Variants in SOCS5 observed in about 807,000 individuals in gnomAD.
SOCS5 encodes suppressor of cytokine signaling 5.
Under a neutral mutation model 42.8 loss-of-function variants are expected in SOCS5, and 32 were observed. The observed-to-expected ratio is 0.75, with a 90% confidence interval of 0.56 to 1.01. The LOEUF (loss-of-function observed/expected upper bound fraction) is 1.01. SOCS5 is among the 50% of genes least tolerant of loss of function. The pLI is 0.00. For synonymous variants in SOCS5, 283 were observed against 229.6 expected (o/e 1.23, Z -2.10); for missense variants, 627 against 653.0 (o/e 0.96, Z 0.43).
At chr2:46,711,596 T>A (rs1672624097) in intron 1 of SOCS5, among the ~76,000 whole-genome samples, 1 of 152,234 alleles carries the variant, frequency 6.6e-6, no homozygotes, top group Non-Finnish European at 1.5e-5. Flanking sequence ...GTGGCATCTT[T>A]CGATGAACAA....
intron 1 of SOCS5, among the ~76,000 whole-genome samples, chr2:46,735,600 A>T (rs1867819): frequency 0.74 from 111,753 of 151,352 alleles, 41,800 homozygotes; most frequent in African/African-American, 0.83. Flanking sequence ...TCTGGACTTA[A>T]CAGAGACTGT....
At chr2:46,721,038 C>T (rs528073480) in intron 1 of SOCS5, among the ~76,000 whole-genome samples, 1 of 152,208 alleles carries the variant, frequency 6.6e-6, no homozygotes, top group African/African-American at 2.4e-5. Context: ...AACAAATGTC[C>T]TTTTTGTGTC....
At chr2:46,713,199 T>C (rs946334752) in intron 1 of SOCS5, among the ~76,000 whole-genome samples, 6 of 152,058 alleles carry the variant, frequency 3.9e-5, no homozygotes, top group Admixed American at 2.0e-4. Context: ...CTACCAAAAA[T>C]TTAAAAACTA....
chr2:46,708,154 G>T (rs953712873), intron 1 of SOCS5, among the ~76,000 whole-genome samples: 1 of 152,192 alleles, frequency 6.6e-6, no homozygotes, highest in Non-Finnish European at 1.5e-5. Context: ...CTCTGCTCTA[G>T]TTCAAGAAAG....
At chr2:46,729,074 A>G (rs1303646277) in intron 1 of SOCS5, among the ~76,000 whole-genome samples, 2 of 152,236 alleles carry the variant, frequency 1.3e-5, no homozygotes, top group Non-Finnish European at 2.9e-5. Flanking sequence ...TACATGCTTA[A>G]TTTGAGAACC....
intron 1 of SOCS5, among the ~76,000 whole-genome samples, chr2:46,742,473 CAT>C (rs1673400663): frequency 6.6e-6 from 1 of 151,688 alleles, no homozygotes; most frequent in African/African-American, 2.4e-5. Flanking sequence ...ATGTCGTTTC[CAT>C]ATGTCATATG....
chr2:46,739,553 C>T (rs1356814715), intron 1 of SOCS5, among the ~76,000 whole-genome samples: 1 of 152,104 alleles, frequency 6.6e-6, no homozygotes, highest in African/African-American at 2.4e-5. Context: ...AATTATAAAG[C>T]ATATTTGCTA....
chr2:46,730,116 T>A (rs76268524), intron 1 of SOCS5, among the ~76,000 whole-genome samples: 1 of 152,158 alleles, frequency 6.6e-6, no homozygotes, highest in African/African-American at 2.4e-5. Flanking sequence ...CCGTCTCTCA[T>A]TGACCCAAAC....
intron 1 of SOCS5, among the ~76,000 whole-genome samples, chr2:46,718,911 A>G (rs1041414830): frequency 1.3e-5 from 2 of 152,350 alleles, no homozygotes; most frequent in East Asian, 3.9e-4. Context: ...TAAAATGTTC[A>G]TACCCTTTGC....
intron 1 of SOCS5, among the ~76,000 whole-genome samples, chr2:46,752,308 T>G (rs997228108): frequency 1.3e-5 from 2 of 152,102 alleles, no homozygotes; most frequent in African/African-American, 4.8e-5. Context: ...TATGAGACTC[T>G]TAACTAATGC....
At chr2:46,733,695 C>T (rs181166809) in intron 1 of SOCS5, among the ~76,000 whole-genome samples, 1 of 150,694 alleles carries the variant, frequency 6.6e-6, no homozygotes, top group African/African-American at 2.4e-5. Context: ...CAAATAGATA[C>T]GAATGATTTG....
At chr2:46,721,399 C>T (rs1448722327) in intron 1 of SOCS5, among the ~76,000 whole-genome samples, 1 of 152,102 alleles carries the variant, frequency 6.6e-6, no homozygotes, top group African/African-American at 2.4e-5. Flanking sequence ...CAATAATTAA[C>T]TTGACTAGTA....
intron 1 of SOCS5, among the ~76,000 whole-genome samples, chr2:46,720,805 G>T (rs897428711): frequency 2.0e-5 from 3 of 152,186 alleles, no homozygotes; most frequent in African/African-American, 7.2e-5. Flanking sequence ...GTGCAGGACA[G>T]TGAGGCCCTT....
chr2:46,749,782 C>T (rs1377225914), intron 1 of SOCS5, among the ~76,000 whole-genome samples: 1 of 152,056 alleles, frequency 6.6e-6, no homozygotes, highest in Non-Finnish European at 1.5e-5. Context: ...ATTGAAATGT[C>T]CATAGTGTTT....
At chr2:46,717,996 C>T (rs1184326829) in intron 1 of SOCS5, among the ~76,000 whole-genome samples, 1 of 152,162 alleles carries the variant, frequency 6.6e-6, no homozygotes, top group African/African-American at 2.4e-5. Flanking sequence ...ACTTTGTCTC[C>T]ACAGCTCCCT....
chr2:46,735,121 G>A lies in SOCS5; in HGVS notation c.-12-23398G>A, dbSNP rs1046696416. ...GTTGGGTACGGTAGCAAGTAACAGA[G>A]ACTTCAAAATAAGGATGGCCTAAAA... On this transcript the variant is annotated intron_variant, in intron 1 of 1. Coordinates refer to ENST00000394861, the MANE Select transcript of SOCS5 (RefSeq NM_144949.3). Among the ~76,000 whole-genome samples the A allele has an allele frequency of 3.9e-5, 6 of 152,150 alleles. 1 individual carries two copies. The highest frequency in any genetic ancestry group is 3.9e-4 in the Admixed American group (6 of 15,282).
At chr2:46,711,057 T>A (rs1672610055) in intron 1 of SOCS5, among the ~76,000 whole-genome samples, 1 of 152,228 alleles carries the variant, frequency 6.6e-6, no homozygotes, top group African/African-American at 2.4e-5. Context: ...TGAATATTAT[T>A]ATTGTGGGAA....
intron 1 of SOCS5, among the ~76,000 whole-genome samples, chr2:46,728,595 C>T (rs914032935): frequency 1.3e-5 from 2 of 152,164 alleles, no homozygotes; most frequent in Non-Finnish European, 2.9e-5. Context: ...CTTGCTCTGT[C>T]ACCTAGGCTG....
chr2:46,706,049 G>A (rs2103689875), intron 1 of SOCS5, among the ~76,000 whole-genome samples: 1 of 152,316 alleles, frequency 6.6e-6, no homozygotes, highest in Non-Finnish European at 1.5e-5. Flanking sequence ...GGGCCAGAAA[G>A]TCCAAGAATA....
Sources: gnomAD v4.1 joint callset for allele counts (sites outside exome capture counted in the v4.1 genomes callset) on GRCh38, gnomAD v4.1.1 for gene constraint, MANE v1.5 for transcripts, NCBI Gene and HGNC (gene_info 2026-07-23, HGNC 2026-07-21) for gene names.